The following CNTN5 variants were observed in gnomAD, a reference collection of about 807,000 sequenced individuals.
CNTN5 encodes the protein contactin-5.
Under a neutral mutation model 129.1 loss-of-function variants are expected in CNTN5, and 77 were observed. The observed-to-expected ratio is 0.60, with a 90% CI of 0.50 to 0.72. The LOEUF is 0.72. Ranked by LOEUF, CNTN5 falls within the 30% of genes least tolerant of loss-of-function variation. The pLI is 0.00. For missense variants in CNTN5, 1,478 were observed against 1,328.8 expected (o/e 1.11, Z -1.75); for synonymous variants, 509 against 465.6 (o/e 1.09, Z -1.20).
chr11:99,670,710 T>TG (rs1216487888), intron 3 of CNTN5, among the ~76,000 whole-genome samples: 3 of 152,076 alleles, frequency 2.0e-5, no homozygotes, highest in Non-Finnish European at 1.5e-5. Context: ...ATCTGGGGTG[T>TG]GGGGGGACCA....
chr11:100,255,851 C>T lies in CNTN5; in HGVS notation c.2097C>T (p.Ser699=). The change falls in exon 17 of 25, where the codon AGC becomes AGT. Residue 699 remains serine, a synonymous_variant. Transcript: ENST00000524871. ...GGAGCCCAGCAGCTGACAACCACAGCCCAATCTCCTCCTACAACCTTCAAG... is the reference window on the plus strand; with the variant it reads ...GGAGCCCAGCAGCTGACAACCACAGTCCAATCTCCTCCTACAACCTTCAAG... ...LSWSPAADNH[S]PISSYNLQAR... 3.7e-6 allele frequency: 6 copies of T among 1,613,874 alleles called. No individual in the cohort carries two copies. Among genetic ancestry groups the T allele is most frequent in the Non-Finnish European group, 5.1e-6 (6 of 1,179,860 alleles).
chr11:99,215,332 G>A (rs1177460311), intron 1 of CNTN5, among the ~76,000 whole-genome samples: 1 of 152,132 alleles, frequency 6.6e-6, no homozygotes, highest in Non-Finnish European at 1.5e-5. Flanking sequence ...GAGCAATGAG[G>A]AGGCTGCTGA....
At chr11:99,191,419 G>C (rs1226437135) in intron 1 of CNTN5, among the ~76,000 whole-genome samples, 1 of 151,570 alleles carries the variant, frequency 6.6e-6, no homozygotes, top group Non-Finnish European at 1.5e-5. Context: ...ATTAGGAGTA[G>C]GAAAGATTAA....
intron 3 of CNTN5, among the ~76,000 whole-genome samples, chr11:99,571,775 C>G (rs547111286): frequency 1.3e-5 from 2 of 152,268 alleles, no homozygotes; most frequent in East Asian, 3.9e-4. Flanking sequence ...TGGCCTGTCT[C>G]TTCTCTCATA....
At chr11:99,554,686 A>G (rs572155080) in intron 2 of CNTN5, among the ~76,000 whole-genome samples, 1 of 152,134 alleles carries the variant, frequency 6.6e-6, no homozygotes, top group Non-Finnish European at 1.5e-5. Context: ...AAAAAGGTCA[A>G]TTTAATCATG....
intron 3 of CNTN5, among the ~76,000 whole-genome samples, chr11:99,798,753 C>A (rs1946026298): frequency 6.6e-6 from 1 of 151,910 alleles, no homozygotes; most frequent in Non-Finnish European, 1.5e-5. Flanking sequence ...TTGAGCTCTT[C>A]TTTGGTTCTA....
chr11:99,706,936 A>G (rs1201535212), intron 3 of CNTN5, among the ~76,000 whole-genome samples: 2 of 150,826 alleles, frequency 1.3e-5, no homozygotes, highest in Admixed American at 6.7e-5. Flanking sequence ...ATCCTGTGCT[A>G]TATATCTCAA....
At chr11:100,038,264 G>A (rs1360842553) in intron 9 of CNTN5, among the ~76,000 whole-genome samples, 2 of 151,010 alleles carry the variant, frequency 1.3e-5, no homozygotes, top group African/African-American at 2.4e-5. Context: ...CAGTTTCCAT[G>A]TAGTTGAGCG....
chr11:99,506,267 T>C (rs1946613808), intron 2 of CNTN5, among the ~76,000 whole-genome samples: 1 of 152,222 alleles, frequency 6.6e-6, no homozygotes, highest in Non-Finnish European at 1.5e-5. Flanking sequence ...AATAAGTATT[T>C]CCATAATTTT....
At chr11:99,860,723 A>C (rs1305572669) in intron 6 of CNTN5, among the ~76,000 whole-genome samples, 1 of 152,078 alleles carries the variant, frequency 6.6e-6, no homozygotes, top group Non-Finnish European at 1.5e-5. Flanking sequence ...TTTGAAGTCA[A>C]GTACTGTGAT....
intron 3 of CNTN5, among the ~76,000 whole-genome samples, chr11:99,777,259 C>A (rs754658098): frequency 6.6e-6 from 1 of 151,714 alleles, no homozygotes; most frequent in African/African-American, 2.4e-5. Flanking sequence ...TTTAAAATAG[C>A]GCAATGACAT....
chr11:100,047,187 A>G (rs910926758), intron 9 of CNTN5, among the ~76,000 whole-genome samples: 2 of 152,164 alleles, frequency 1.3e-5, no homozygotes, highest in African/African-American at 4.8e-5. Flanking sequence ...CTGAAAACCA[A>G]CAAAGAGCCA....
At chr11:99,200,508 T>C (rs1859116246) in intron 1 of CNTN5, among the ~76,000 whole-genome samples, 1 of 152,202 alleles carries the variant, frequency 6.6e-6, no homozygotes, top group South Asian at 2.1e-4. Flanking sequence ...TGGCAAATAA[T>C]GACAAGGAGA....
intron 13 of CNTN5, among the ~76,000 whole-genome samples, chr11:100,171,438 C>T (rs1183028819): frequency 6.6e-6 from 1 of 151,980 alleles, no homozygotes; most frequent in Non-Finnish European, 1.5e-5. Context: ...CAATTCTTTA[C>T]GAATATTTGT....
At chr11:99,173,337 C>T (rs1857620044) in intron 1 of CNTN5, among the ~76,000 whole-genome samples, 2 of 152,130 alleles carry the variant, frequency 1.3e-5, no homozygotes, top group Admixed American at 1.3e-4. Flanking sequence ...CTGTCACCCA[C>T]ATGGTCCAAA....
intron 2 of CNTN5, among the ~76,000 whole-genome samples, chr11:99,505,239 C>T (rs1565239020): frequency 1.3e-5 from 2 of 151,960 alleles, no homozygotes; most frequent in Admixed American, 6.6e-5. Flanking sequence ...TATGGTATCC[C>T]AATTTGATGT....
intron 6 of CNTN5, among the ~76,000 whole-genome samples, chr11:99,855,057 G>T (rs1305074678): frequency 6.6e-6 from 1 of 152,072 alleles, no homozygotes; most frequent in Non-Finnish European, 1.5e-5. Context: ...ACCTCTAGTT[G>T]CAGCACTTTG....
chr11:100,272,409 A>G (rs560439680), intron 18 of CNTN5, among the ~76,000 whole-genome samples: 3 of 152,314 alleles, frequency 2.0e-5, no homozygotes, highest in Admixed American at 1.3e-4. Context: ...CCTCTAACAA[A>G]TTAAACAAAG....
chr11:100,298,540 T>C (rs1442077039), intron 19 of CNTN5, among the ~76,000 whole-genome samples: 2 of 151,342 alleles, frequency 1.3e-5, no homozygotes, highest in African/African-American at 4.8e-5. Context: ...CTAGTGTGTG[T>C]GAAGCACTGT....
Sources: allele counts gnomAD v4.1 joint callset (sites outside exome capture counted in the v4.1 genomes callset), GRCh38; gene constraint gnomAD v4.1.1; transcripts MANE v1.5; gene names NCBI Gene and HGNC (gene_info 2026-07-23, HGNC 2026-07-21).